Variants in EIPR1 observed in about 807,000 individuals in gnomAD.
EIPR1 encodes EARP complex and GARP complex interacting protein 1, also known as EARP and GARP complex-interacting protein 1.
EIPR1 carries 25 observed loss-of-function variants against 48.1 expected under a neutral mutation model. That is an observed-to-expected ratio of 0.52 (90% CI 0.38 to 0.73). The LOEUF (loss-of-function observed/expected upper bound fraction) is 0.73, where lower values mean the gene tolerates loss of function less well. Ranked by LOEUF, EIPR1 falls within the 30% of genes least tolerant of loss-of-function variation. The pLI is 0.00. For missense variants in EIPR1, 415 were observed against 506.2 expected, an observed-to-expected ratio of 0.82 and a Z score of 1.73; for synonymous variants, 204 against 201.9, an observed-to-expected ratio of 1.01 and a Z score of -0.09.
At chr2:3,241,454 T>A (rs944685150) in intron 4 of EIPR1, among the ~76,000 whole-genome samples, 1 of 152,190 alleles carries the variant, frequency 6.6e-6, no homozygotes, top group Non-Finnish European at 1.5e-5. Context: ...CAAAGTGCAA[T>A]AAAAAGAGAA....
chr2:3,219,472 G>A (rs1467525462), intron 4 of EIPR1, among the ~76,000 whole-genome samples: 1 of 150,358 alleles, frequency 6.7e-6, no homozygotes, highest in Admixed American at 6.6e-5. Flanking sequence ...AGTGAGTCAG[G>A]TGCACACCCA....
intron 4 of EIPR1, among the ~76,000 whole-genome samples, chr2:3,215,065 G>A (rs781690589): frequency 3.2e-4 from 49 of 152,314 alleles, no homozygotes; most frequent in African/African-American, 1.1e-3. Context: ...TGGACTTCCC[G>A]CCCCAGGAAC....
At chr2:3,283,656 G>A (rs1668084550) in intron 3 of EIPR1, among the ~76,000 whole-genome samples, 1 of 152,244 alleles carries the variant, frequency 6.6e-6, no homozygotes, top group South Asian at 2.1e-4. Context: ...GAAAAGAAAA[G>A]GGAAAACTGC....
chr2:3,244,605 G>A (rs1174113296), intron 4 of EIPR1, among the ~76,000 whole-genome samples: 2 of 152,094 alleles, frequency 1.3e-5, no homozygotes, highest in African/African-American at 4.8e-5. Context: ...AGGCCTGAGG[G>A]AGCTCCTTCT....
At chr2:3,224,944 G>T (rs1666012042) in intron 4 of EIPR1, among the ~76,000 whole-genome samples, 1 of 152,240 alleles carries the variant, frequency 6.6e-6, no homozygotes, top group Non-Finnish European at 1.5e-5. Flanking sequence ...CGGCCATGAA[G>T]CCACATCAGG....
intron 3 of EIPR1, among the ~76,000 whole-genome samples, chr2:3,328,475 C>T (rs1669769715): frequency 6.8e-6 from 1 of 146,416 alleles, no homozygotes; most frequent in Non-Finnish European, 1.5e-5. Context: ...CAGAGCCCAC[C>T]CACCAAGCTC....
intron 1 of EIPR1, among the ~76,000 whole-genome samples, chr2:3,374,690 A>C (rs1659814633): frequency 6.7e-6 from 1 of 149,250 alleles, no homozygotes; most frequent in African/African-American, 2.5e-5. Context: ...ATACCATCTC[A>C]CACCAGTTAG....
intron 3 of EIPR1, among the ~76,000 whole-genome samples, chr2:3,265,625 C>T (rs1355620467): frequency 6.6e-6 from 1 of 152,212 alleles, no homozygotes; most frequent in African/African-American, 2.4e-5. Flanking sequence ...ATCACAATGA[C>T]TAGGAGCCGG....
At chr2:3,323,000 A>C (rs1407593914) in intron 3 of EIPR1, among the ~76,000 whole-genome samples, 1 of 152,168 alleles carries the variant, frequency 6.6e-6, no homozygotes, top group Non-Finnish European at 1.5e-5. Flanking sequence ...GACAAACGTT[A>C]CGAAAATGCA....
At chr2:3,290,381 G>A (rs1443223992) in intron 3 of EIPR1, among the ~76,000 whole-genome samples, 1 of 152,212 alleles carries the variant, frequency 6.6e-6, no homozygotes. Context: ...TTTTAAAGAT[G>A]TTATTTTACC....
intron 4 of EIPR1, among the ~76,000 whole-genome samples, chr2:3,235,329 G>A (rs538314409): frequency 6.6e-6 from 1 of 152,256 alleles, no homozygotes; most frequent in Non-Finnish European, 1.5e-5. Flanking sequence ...TTCATCTGAA[G>A]AATAAGAGCT....
At chr2:3,359,800 T>C (rs1057038170) in intron 1 of EIPR1, among the ~76,000 whole-genome samples, 2 of 152,248 alleles carry the variant, frequency 1.3e-5, no homozygotes, top group Non-Finnish European at 2.9e-5. Context: ...TAGTATAATA[T>C]GTCAAAAAAC....
intron 5 of EIPR1, among the ~76,000 whole-genome samples, chr2:3,204,856 C>T (rs931959392): frequency 3.3e-5 from 5 of 151,956 alleles, no homozygotes; most frequent in African/African-American, 7.3e-5. Flanking sequence ...TACATGCAGG[C>T]GCACTCCCAG....
At chr2:3,366,393 G>A (rs968760260) in intron 1 of EIPR1, among the ~76,000 whole-genome samples, 2 of 152,096 alleles carry the variant, frequency 1.3e-5, no homozygotes, top group Non-Finnish European at 2.9e-5. Flanking sequence ...ACAAATAGAC[G>A]GAAATTAAAA....
At chr2:3,256,806 G>A (rs1424485119) in intron 4 of EIPR1, among the ~76,000 whole-genome samples, 1 of 152,208 alleles carries the variant, frequency 6.6e-6, no homozygotes, top group Non-Finnish European at 1.5e-5. Context: ...ATGAAGCAGC[G>A]ACTGGCCAGG....
At chr2:3,287,685 C>T (rs556036193) in intron 3 of EIPR1, among the ~76,000 whole-genome samples, 3 of 152,066 alleles carry the variant, frequency 2.0e-5, no homozygotes, top group East Asian at 1.9e-4. Flanking sequence ...GCGTTCACCA[C>T]GCTCCAGAAA....
intron 4 of EIPR1, among the ~76,000 whole-genome samples, chr2:3,220,831 T>A (rs930913049): frequency 7.1e-6 from 1 of 140,162 alleles, no homozygotes; most frequent in South Asian, 2.4e-4. Context: ...CACTAGAGCA[T>A]TCACGGTGAG....
At chr2:3,193,959 G>C (rs553921633) in intron 7 of EIPR1, 40 bp downstream of exon 7, 1 of 1,606,882 alleles carries the variant, frequency 6.2e-7, no homozygotes, top group Non-Finnish European at 8.5e-7. Context: ...AATCAATTGC[G>C]TAATCCCCTC....
intron 3 of EIPR1, among the ~76,000 whole-genome samples, chr2:3,296,604 T>C (rs1668608049): frequency 1.5e-5 from 2 of 132,034 alleles, no homozygotes; most frequent in Non-Finnish European, 3.2e-5. Context: ...ACATACACCC[T>C]CCATCCAGCC....
Sources: allele counts gnomAD v4.1 joint callset (sites outside exome capture counted in the v4.1 genomes callset), GRCh38; gene constraint gnomAD v4.1.1; transcripts MANE v1.5; gene names NCBI Gene and HGNC (gene_info 2026-07-23, HGNC 2026-07-21).